The following JPH3 variants were observed in gnomAD, a reference collection of about 807,000 sequenced individuals.
JPH3 encodes the protein junctophilin-3.
JPH3 carries 11 observed loss-of-function variants against 59.6 expected under a neutral mutation model. That is an observed-to-expected ratio of 0.18 (90% CI 0.12 to 0.31). The LOEUF is 0.31. Among genes scored for constraint, JPH3 ranks in the 10% least tolerant of loss-of-function variants. The pLI is 1.00. For synonymous variants in JPH3, 673 were observed against 483.6 expected (o/e 1.39, Z -5.14); for missense variants, 1,202 against 1,105.7 (o/e 1.09, Z -1.24).
At chr16:87,616,017 C>T (rs1037389067) in intron 1 of JPH3, among the ~76,000 whole-genome samples, 1 of 152,138 alleles carries the variant, frequency 6.6e-6, no homozygotes, top group African/African-American at 2.4e-5. Context: ...AGGGGCACCA[C>T]GGCCAGAGCC....
intron 2 of JPH3, among the ~76,000 whole-genome samples, chr16:87,647,442 G>T (rs1315163246): frequency 6.6e-6 from 1 of 152,148 alleles, no homozygotes; most frequent in African/African-American, 2.4e-5. Flanking sequence ...TGGTGCAGCT[G>T]TGAAACTGAC....
rs1258890679 is a variant in JPH3, at chr16:87,690,442, C to T, written c.2082C>T (p.Asp694=). The part of the protein sequence containing the change: ...GGAEPRLLRW[D]LTFSPPQKSL... ...CCGAGCCCCGGTTGCTGCGTTGGGA[C>T]TTGACCTTCTCCCCGCCCCAGAAAT... The change falls in exon 4 of 5, where the codon GAC becomes GAT. Residue 694 remains aspartate (D), a synonymous_variant. Coordinates refer to ENST00000284262, the MANE Select transcript of JPH3 (RefSeq NM_020655.4). The T allele has an allele frequency of 6.7e-7, 1 of 1,489,890 alleles. No individual in the cohort carries two copies. Among genetic ancestry groups the T allele is most frequent in the Non-Finnish European group, 8.9e-7 (1 of 1,122,256 alleles). 92.3% of individuals were successfully genotyped at this position (1,489,890 alleles called of 1,614,324 possible).
intron 1 of JPH3, among the ~76,000 whole-genome samples, chr16:87,628,395 C>T (rs1284059288): frequency 6.6e-6 from 1 of 152,236 alleles, no homozygotes; most frequent in East Asian, 1.9e-4. Context: ...CCATCCCTGG[C>T]GTCTGCCCTC....
intron 1 of JPH3, among the ~76,000 whole-genome samples, chr16:87,617,453 G>A (rs2031014056): frequency 6.6e-6 from 1 of 152,102 alleles, no homozygotes; most frequent in African/African-American, 2.4e-5. Context: ...TGGATGCCAG[G>A]AGAGCTGGTG....
intron 1 of JPH3, among the ~76,000 whole-genome samples, chr16:87,643,738 G>C (rs1365298995): frequency 6.6e-6 from 1 of 152,198 alleles, no homozygotes; most frequent in Non-Finnish European, 1.5e-5. Flanking sequence ...ACAAGATCTA[G>C]CCATGAGAAG....
intron 2 of JPH3, among the ~76,000 whole-genome samples, chr16:87,679,922 G>A (rs1046093141): frequency 1.1e-4 from 17 of 152,320 alleles, no homozygotes; most frequent in Admixed American, 2.0e-4. Flanking sequence ...CACAGCCCCC[G>A]CCCTCTGCTC....
chr16:87,614,489 C>T (rs55817520), intron 1 of JPH3, among the ~76,000 whole-genome samples: 9 of 144,306 alleles, frequency 6.2e-5, no homozygotes, highest in South Asian at 4.6e-4. Context: ...CACGAGGGTC[C>T]GCGCGTCCCC....
intron 1 of JPH3, among the ~76,000 whole-genome samples, chr16:87,615,282 C>T (rs1278690030): frequency 7.9e-5 from 12 of 152,204 alleles, no homozygotes. Context: ...TTCCTATAGA[C>T]CTGGTGGAGG....
chr16:87,634,761 G>A (rs1036187925), intron 1 of JPH3, among the ~76,000 whole-genome samples: 1 of 152,260 alleles, frequency 6.6e-6, no homozygotes, highest in African/African-American at 2.4e-5. Context: ...TGACCCGCCA[G>A]GGTGGGAGAG....
At chr16:87,631,033 T>A (rs2031550004) in intron 1 of JPH3, among the ~76,000 whole-genome samples, 1 of 152,198 alleles carries the variant, frequency 6.6e-6, no homozygotes, top group Non-Finnish European at 1.5e-5. Flanking sequence ...CAGTTGCAAT[T>A]TTCTTTAAAT....
intron 2 of JPH3, among the ~76,000 whole-genome samples, chr16:87,651,327 G>A (rs1278463031): frequency 1.3e-5 from 2 of 152,240 alleles, no homozygotes; most frequent in Non-Finnish European, 2.9e-5. Context: ...ATAACATCCA[G>A]CATGCAGCTG....
chr16:87,677,098 A>G (rs952422518), intron 2 of JPH3, among the ~76,000 whole-genome samples: 23 of 145,822 alleles, frequency 1.6e-4, no homozygotes, highest in South Asian at 6.6e-4. Context: ...GGTGGAGCTT[A>G]CAGTGAGCTG....
intron 2 of JPH3, among the ~76,000 whole-genome samples, chr16:87,651,613 G>C (rs2032326574): frequency 6.6e-6 from 1 of 152,240 alleles, no homozygotes; most frequent in Non-Finnish European, 1.5e-5. Flanking sequence ...CTGCAGATGT[G>C]GTGGAAATAG....
At chr16:87,644,167 C>T (rs766984776) in intron 1 of JPH3, 91 bp from the exon 2 acceptor site, 32 of 1,333,214 alleles carry the variant, frequency 2.4e-5, no homozygotes, top group Non-Finnish European at 2.8e-5. Context: ...GAAGCTCAGA[C>T]AGGACTGTGG....
chr16:87,623,433 C>T (rs1372610424), intron 1 of JPH3, among the ~76,000 whole-genome samples: 2 of 152,304 alleles, frequency 1.3e-5, no homozygotes, highest in South Asian at 2.1e-4. Context: ...TGTTTGCTCC[C>T]GCTGTGTGGG....
chr16:87,625,754 G>T (rs1181046641), intron 1 of JPH3, among the ~76,000 whole-genome samples: 1 of 152,208 alleles, frequency 6.6e-6, no homozygotes, highest in African/African-American at 2.4e-5. Context: ...GTGACCCAGG[G>T]CTAGCAAAGG....
intron 2 of JPH3, among the ~76,000 whole-genome samples, chr16:87,662,103 C>T (rs936445903): frequency 1.3e-5 from 2 of 152,174 alleles, no homozygotes; most frequent in African/African-American, 4.8e-5. Flanking sequence ...TTTTCTGTAC[C>T]TACGGTCATC....
chr16:87,695,992 G>C (rs907442717), intron 4 of JPH3: 2 of 456,048 alleles, frequency 4.4e-6, no homozygotes, highest in Middle Eastern at 6.5e-4. Context: ...CTAAATCCAA[G>C]GCAGCTCGCA....
intron 1 of JPH3, 58 bp downstream of exon 1, chr16:87,603,586 C>G: frequency 6.6e-7 from 1 of 1,511,210 alleles, no homozygotes; most frequent in Non-Finnish European, 8.9e-7. Context: ...CGATCGCGCC[C>G]CTTCTGTGGA....
Sources: allele counts gnomAD v4.1 joint callset (sites outside exome capture counted in the v4.1 genomes callset), GRCh38; gene constraint gnomAD v4.1.1; transcripts MANE v1.5; gene names NCBI Gene and HGNC (gene_info 2026-07-23, HGNC 2026-07-21).